STIM1: variants seen among roughly 807,000 people sequenced by gnomAD.
STIM1 encodes stromal interaction molecule 1.
STIM1 carries 25 observed loss-of-function variants against 74.7 expected under a neutral mutation model. That is an observed-to-expected ratio of 0.33 (90% CI 0.24 to 0.47). STIM1 has a LOEUF of 0.47. STIM1 is among the 20% of genes least tolerant of loss of function. The probability of loss-of-function intolerance (pLI) is 1.00; values close to 1 mark genes in which losing one functional copy is unlikely to be tolerated. For synonymous variants in STIM1, 328 were observed against 348.8 expected (o/e 0.94, Z 0.66); for missense variants, 728 against 920.8 (o/e 0.79, Z 2.71).
At chr11:4,078,010 G>T (rs1236760685) in intron 7 of STIM1, among the ~76,000 whole-genome samples, 1 of 151,960 alleles carries the variant, frequency 6.6e-6, no homozygotes, top group African/African-American at 2.4e-5. Context: ...TCATTTATGG[G>T]ACTGCTTATT....
At chr11:4,002,136 T>G (rs1191860488) in intron 2 of STIM1, among the ~76,000 whole-genome samples, 2 of 143,238 alleles carry the variant, frequency 1.4e-5, no homozygotes, top group Non-Finnish European at 3.0e-5. Flanking sequence ...ACAATAATAA[T>G]GGGAGACTTT....
intron 2 of STIM1, among the ~76,000 whole-genome samples, chr11:3,991,618 C>G (rs370578033): frequency 6.6e-6 from 1 of 151,850 alleles, no homozygotes; most frequent in Non-Finnish European, 1.5e-5. Flanking sequence ...ATTGCTGGAT[C>G]GAATGGTAGT....
chr11:4,013,690 C>CT (rs1169600270), intron 2 of STIM1, among the ~76,000 whole-genome samples: 764 of 51,922 alleles, frequency 0.015, 146 homozygotes, highest in African/African-American at 0.022. Context: ...TCATTGATTT[C>CT]TTTTTTTTTT....
intron 2 of STIM1, among the ~76,000 whole-genome samples, chr11:4,013,467 G>A (rs180679809): frequency 6.6e-6 from 1 of 151,686 alleles, no homozygotes. Context: ...TGTATGTGTC[G>A]AGGAATTTAT....
At chr11:4,055,369 A>G (rs1460876730) in intron 3 of STIM1, among the ~76,000 whole-genome samples, 157 bp from the exon 4 acceptor site, 5 of 152,208 alleles carry the variant, frequency 3.3e-5, no homozygotes, top group Non-Finnish European at 7.3e-5. Flanking sequence ...ATTTCATATA[A>G]ATAGACTCAC....
intron 7 of STIM1, among the ~76,000 whole-genome samples, chr11:4,078,724 C>T (rs1215176347): frequency 2.0e-5 from 3 of 151,964 alleles, no homozygotes; most frequent in African/African-American, 7.3e-5. Flanking sequence ...GTGCCTGCCA[C>T]CACACCTGGC....
chr11:3,939,467 G>A (rs921673276), intron 1 of STIM1, among the ~76,000 whole-genome samples: 1 of 152,138 alleles, frequency 6.6e-6, no homozygotes, highest in African/African-American at 2.4e-5. Flanking sequence ...TTAGGCCAGA[G>A]AAATACAGAT....
At position 3,856,198 on chromosome 11, in the gene STIM1, C is replaced by G. The variant is rs201468054; in HGVS notation, c.-73C>G. 50 of 1,604,146 alleles carry G rather than the reference C, an allele frequency of 3.1e-5. No homozygotes were observed. Among genetic ancestry groups the G allele is most frequent in the Non-Finnish European group, 4.2e-5 (49 of 1,173,808 alleles). ...TTGCCTGGAGACCGTCGGCTGCACT[C>G]CCGGGCTCCTGGCTTTGCCTCTGGG... On this transcript the variant is annotated 5_prime_UTR_variant, in exon 1 of 13. Coordinates refer to ENST00000526596, the MANE Select transcript of STIM1 (RefSeq NM_001382567.1).
intron 1 of STIM1, chr11:3,921,906 G>A (rs2092722297): frequency 6.6e-6 from 1 of 152,162 alleles, no homozygotes; most frequent in Non-Finnish European, 1.5e-5. Flanking sequence ...TGGACTTGCT[G>A]GGAATGTGAG....
At chr11:3,926,604 A>G (rs1447453168) in intron 1 of STIM1, among the ~76,000 whole-genome samples, 1 of 152,222 alleles carries the variant, frequency 6.6e-6, no homozygotes, top group East Asian at 1.9e-4. Flanking sequence ...TCCAGCAAAT[A>G]CTTTGTGTGG....
chr11:3,991,950 CA>C (rs1230185435), intron 2 of STIM1, among the ~76,000 whole-genome samples: 681 of 36,694 alleles, frequency 0.019, 3 homozygotes, highest in African/African-American at 0.031. Context: ...AACTCCATCT[CA>C]AAAAAAAAAA....
intron 1 of STIM1, among the ~76,000 whole-genome samples, chr11:3,857,998 T>A (rs1380187750): frequency 2.6e-5 from 4 of 152,216 alleles, no homozygotes; most frequent in Non-Finnish European, 4.4e-5. Flanking sequence ...CTTATTGGGC[T>A]ATGAAGGGAA....
At chr11:3,970,074 C>CTTTTTTTTTTTTTT (rs145136493) in intron 2 of STIM1, among the ~76,000 whole-genome samples, 2 of 139,074 alleles carry the variant, frequency 1.4e-5, no homozygotes, top group Non-Finnish European at 1.6e-5. Flanking sequence ...GCTCCTCATC[C>CTTTTTTTTTTTTTT]TTTTTTTTTT....
intron 12 of STIM1, chr11:4,088,450 C>T (rs138194181): frequency 6.6e-4 from 290 of 442,028 alleles, no homozygotes; most frequent in African/African-American, 5.2e-3. Context: ...AAGGGATTGC[C>T]CTTACTAGGA....
At chr11:4,078,205 A>C (rs911749516) in intron 7 of STIM1, among the ~76,000 whole-genome samples, 1 of 152,216 alleles carries the variant, frequency 6.6e-6, no homozygotes, top group Non-Finnish European at 1.5e-5. Flanking sequence ...CCAATCAGAG[A>C]TCAAGCTGCA....
chr11:3,915,127 A>G (rs1183685324), intron 1 of STIM1, among the ~76,000 whole-genome samples: 1 of 152,224 alleles, frequency 6.6e-6, no homozygotes, highest in East Asian at 1.9e-4. Context: ...TTGTTGAGTT[A>G]TGAAAATTCC....
At chr11:3,907,135 A>G (rs892637469) in intron 1 of STIM1, among the ~76,000 whole-genome samples, 5 of 152,348 alleles carry the variant, frequency 3.3e-5, no homozygotes, top group Middle Eastern at 3.4e-3. Flanking sequence ...GTTGGCAATT[A>G]TCTCCAATAC....
chr11:3,984,055 C>T (rs374880341), intron 2 of STIM1, among the ~76,000 whole-genome samples: 26 of 152,026 alleles, frequency 1.7e-4, no homozygotes, highest in South Asian at 4.2e-4. Context: ...TGAGTAGAGA[C>T]GGGGTTTCAT....
At chr11:4,083,232 A>C in intron 9 of STIM1, 31 bp from the exon 10 acceptor site, 1 of 1,606,416 alleles carries the variant, frequency 6.2e-7, no homozygotes, top group Non-Finnish European at 8.5e-7. Flanking sequence ...CACCAAGTCC[A>C]TGCCTGCAGT....
Sources: gnomAD v4.1 joint callset for allele counts (sites outside exome capture counted in the v4.1 genomes callset) on GRCh38, gnomAD v4.1.1 for gene constraint, MANE v1.5 for transcripts, NCBI Gene and HGNC (gene_info 2026-07-23, HGNC 2026-07-21) for gene names.